Variants in LYRM4 observed in about 807,000 individuals in gnomAD.
LYRM4 encodes the protein LYR motif-containing protein 4.
Under a neutral mutation model 11.7 loss-of-function variants are expected in LYRM4, and 9 were observed. That is an observed-to-expected ratio of 0.77 (90% CI 0.46 to 1.34). The LOEUF (loss-of-function observed/expected upper bound fraction) is 1.34. Among genes scored for constraint, LYRM4 ranks in the 40% most tolerant of loss-of-function variants. LYRM4 has a pLI of 0.00. For missense variants in LYRM4, 133 were observed against 112.5 expected, an observed-to-expected ratio of 1.18 and a Z score of -0.82; for synonymous variants, 42 against 40.4, an observed-to-expected ratio of 1.04 and a Z score of -0.15.
chr6:5,213,010 AGATCTTGCACAT>A (rs1311209161), intron 2 of LYRM4, among the ~76,000 whole-genome samples: 1 of 152,232 alleles, frequency 6.6e-6, no homozygotes, highest in Non-Finnish European at 1.5e-5. Context: ...TGAAGACTGA[AGATCTTGCACAT>A]TAAGGACATA....
chr6:5,118,610 G>A (rs1472847976), intron 2 of LYRM4, among the ~76,000 whole-genome samples: 1 of 152,156 alleles, frequency 6.6e-6, no homozygotes, highest in Non-Finnish European at 1.5e-5. Context: ...TCCCAGCATG[G>A]AGAGGCACTG....
At chr6:5,259,056 T>G (rs1053102078) in intron 1 of LYRM4, among the ~76,000 whole-genome samples, 3 of 150,854 alleles carry the variant, frequency 2.0e-5, no homozygotes, top group African/African-American at 7.4e-5. Flanking sequence ...ACAAGAAAAC[T>G]GAAATACAGA....
chr6:5,118,824 T>A (rs898315618), intron 2 of LYRM4, among the ~76,000 whole-genome samples: 1 of 152,216 alleles, frequency 6.6e-6, no homozygotes, highest in South Asian at 2.1e-4. Context: ...ATCGACCCCA[T>A]GGTATTCCTC....
intron 2 of LYRM4, among the ~76,000 whole-genome samples, chr6:5,122,556 C>T (rs539674550): frequency 1.3e-5 from 2 of 152,262 alleles, no homozygotes; most frequent in South Asian, 4.1e-4. Flanking sequence ...GGCATCAAAT[C>T]GTCAGGAATG....
chr6:5,238,150 C>A (rs996364609), intron 1 of LYRM4, among the ~76,000 whole-genome samples: 1 of 151,994 alleles, frequency 6.6e-6, no homozygotes, highest in South Asian at 2.1e-4. Context: ...CTTAACACAC[C>A]CACAAACAAT....
chr6:5,033,275 G>A, the LYRM4 span: 1 of 151,892 alleles, frequency 6.6e-6, no homozygotes, highest in South Asian at 2.1e-4. Context: ...CACTCCCGGG[G>A]GTGTGTTCTT....
At chr6:5,085,742 C>T in the LYRM4 span, 2 of 1,540,784 alleles carry the variant, frequency 1.3e-6, no homozygotes, top group South Asian at 2.4e-5. Context: ...CGCTCCTTTT[C>T]CTTGCCCGCC....
intron 2 of LYRM4, among the ~76,000 whole-genome samples, chr6:5,135,430 GCTGTGGAGGGTGCGGTTCACTCCCGGGA>G (rs1218944202): frequency 7.5e-5 from 3 of 39,872 alleles, no homozygotes; most frequent in East Asian, 5.5e-4. Context: ...CACTCCCGGG[GCTGTGGAGGGTGCGGTTCACTCCCGGGA>G]CTGTGGAGGG....
At chr6:5,211,657 G>A (rs1761992888) in intron 2 of LYRM4, among the ~76,000 whole-genome samples, 1 of 152,190 alleles carries the variant, frequency 6.6e-6, no homozygotes, top group African/African-American at 2.4e-5. Flanking sequence ...ACAAGCTTAA[G>A]AACAGCTGCT....
At position 5,208,196 on chromosome 6, in the gene LYRM4, A is replaced by G. The variant is rs9405259; in HGVS notation, c.207+8422T>C. Among the ~76,000 whole-genome samples the G allele has an allele frequency of 0.018, 2,780 of 150,438 alleles. 212 individuals are homozygous for G. In the East Asian group the frequency reaches 0.23, roughly 12 times the overall value. On this transcript the variant is annotated intron_variant, in intron 2 of 2. Transcript: ENST00000330636. ...AAGGAAGCAGCACTGACAAGCACAC[A>G]TCATCACTGCTGCCACCACCATCAT... is the stretch of plus-strand genomic sequence containing the variant.
At chr6:5,212,235 C>T (rs1762021861) in intron 2 of LYRM4, among the ~76,000 whole-genome samples, 2 of 152,172 alleles carry the variant, frequency 1.3e-5, no homozygotes, top group Admixed American at 1.3e-4. Flanking sequence ...CTACAATAAG[C>T]CAGGGCAGTT....
the LYRM4 span, among the ~76,000 whole-genome samples, chr6:5,073,855 C>G: frequency 3.9e-5 from 6 of 152,300 alleles, no homozygotes; most frequent in African/African-American, 9.6e-5. Context: ...CCGCCACACC[C>G]AGGGGAGTGG....
intron 2 of LYRM4, among the ~76,000 whole-genome samples, chr6:5,150,705 C>G (rs184493151): frequency 6.6e-6 from 1 of 152,342 alleles, no homozygotes; most frequent in African/African-American, 2.4e-5. Context: ...GAGCCTCCAG[C>G]TCTCCCCTGC....
intron 2 of LYRM4, among the ~76,000 whole-genome samples, chr6:5,148,855 T>C (rs1757930685): frequency 6.6e-6 from 1 of 152,234 alleles, no homozygotes; most frequent in Admixed American, 6.5e-5. Context: ...TTGTCATTTG[T>C]AGCGCGCTTC....
At chr6:5,113,444 G>A (rs913188865) in intron 2 of LYRM4, 24 of 341,480 alleles carry the variant, frequency 7.0e-5, no homozygotes, top group Non-Finnish European at 1.2e-4. Context: ...GCAGGTGAGA[G>A]GTGATTCCAG....
intron 2 of LYRM4, among the ~76,000 whole-genome samples, chr6:5,150,376 G>A (rs1485815585): frequency 2.6e-5 from 4 of 152,092 alleles, no homozygotes; most frequent in African/African-American, 9.7e-5. Context: ...CCAAGGCTGG[G>A]GACCTTAGGC....
At chr6:5,148,460 C>A (rs1484321556) in intron 2 of LYRM4, 1 of 170,192 alleles carries the variant, frequency 5.9e-6, no homozygotes, top group Non-Finnish European at 1.3e-5. Context: ...AATCGTAATC[C>A]TGAGCTGGGC....
At chr6:5,199,633 A>G (rs1040643861) in intron 2 of LYRM4, among the ~76,000 whole-genome samples, 2 of 152,218 alleles carry the variant, frequency 1.3e-5, no homozygotes, top group African/African-American at 4.8e-5. Flanking sequence ...TTCCATCAAC[A>G]GGCTGAACCT....
At chr6:5,242,935 G>A (rs1010789090) in intron 1 of LYRM4, among the ~76,000 whole-genome samples, 16 of 151,252 alleles carry the variant, frequency 1.1e-4, no homozygotes, top group African/African-American at 2.7e-4. Flanking sequence ...CACCGCGCCC[G>A]GCTAATTTTT....
Sources: allele counts gnomAD v4.1 joint callset (sites outside exome capture counted in the v4.1 genomes callset), GRCh38; gene constraint gnomAD v4.1.1; transcripts MANE v1.5; gene names NCBI Gene and HGNC (gene_info 2026-07-23, HGNC 2026-07-21).